The following TP63 variants were observed in gnomAD, a reference collection of about 807,000 sequenced individuals.
The protein encoded by TP63 is tumor protein p63.
In TP63, 17 loss-of-function variants were observed where a neutral mutation model predicts 82.8. That is an observed-to-expected ratio of 0.21 (90% CI 0.14 to 0.31). The LOEUF is 0.31. Ranked by LOEUF, TP63 falls within the 10% of genes least tolerant of loss-of-function variation. The pLI is 1.00. For missense variants in TP63, 648 were observed against 895.3 expected, an observed-to-expected ratio of 0.72 and a Z score of 3.52; for synonymous variants, 330 against 321.7, an observed-to-expected ratio of 1.03 and a Z score of -0.28.
chr3:189,616,925 A>C, the TP63 span, among the ~76,000 whole-genome samples: 1 of 152,174 alleles, frequency 6.6e-6, no homozygotes, highest in Non-Finnish European at 1.5e-5. Flanking sequence ...AGATACCTGA[A>C]ACCTTCCCTG....
At chr3:189,700,247 G>A (rs1717700431) in intron 1 of TP63, among the ~76,000 whole-genome samples, 1 of 152,050 alleles carries the variant, frequency 6.6e-6, no homozygotes, top group Non-Finnish European at 1.5e-5. Context: ...GTGATGAGAG[G>A]AAAAGCCAGC....
chr3:189,694,879 C>G (rs538476307), intron 1 of TP63, among the ~76,000 whole-genome samples: 2 of 127,954 alleles, frequency 1.6e-5, no homozygotes, highest in Non-Finnish European at 1.6e-5. Flanking sequence ...GATCTTGGCT[C>G]ACTGCAACCT....
At chr3:189,654,797 TCTC>T (rs1387570053) in intron 1 of TP63, among the ~76,000 whole-genome samples, 1 of 152,234 alleles carries the variant, frequency 6.6e-6, no homozygotes, top group Non-Finnish European at 1.5e-5. Flanking sequence ...CAACATAAAA[TCTC>T]CTGGCTCAAC....
At chr3:189,854,895 A>C (rs904396797) in intron 4 of TP63, among the ~76,000 whole-genome samples, 1 of 152,240 alleles carries the variant, frequency 6.6e-6, no homozygotes, top group African/African-American at 2.4e-5. Context: ...TTGGGAAGAC[A>C]TGGCAAACCT....
chr3:189,891,727 G>GGGA (rs1248137494), intron 13 of TP63, among the ~76,000 whole-genome samples: 1 of 152,112 alleles, frequency 6.6e-6, no homozygotes, highest in Non-Finnish European at 1.5e-5. Context: ...CTGCTCACAC[G>GGGA]GGAGCTAGTG....
intron 10 of TP63, among the ~76,000 whole-genome samples, chr3:189,885,525 C>T (rs892384581): frequency 2.0e-5 from 3 of 152,222 alleles, no homozygotes; most frequent in African/African-American, 7.2e-5. Context: ...AAGGCTTCAT[C>T]TCTGACTTTG....
chr3:189,776,161 T>C (rs575032478), intron 3 of TP63, among the ~76,000 whole-genome samples: 2 of 152,372 alleles, frequency 1.3e-5, no homozygotes, highest in East Asian at 3.9e-4. Flanking sequence ...GATTTCATAT[T>C]GTCTTTCTCT....
At chr3:189,874,455 A>G (rs1007384055) in intron 10 of TP63, among the ~76,000 whole-genome samples, 2 of 152,204 alleles carry the variant, frequency 1.3e-5, no homozygotes, top group Non-Finnish European at 2.9e-5. Flanking sequence ...AGAGTGGAGT[A>G]GACGGCAGGG....
At chr3:189,792,679 GT>G (rs1363563446) in intron 3 of TP63, among the ~76,000 whole-genome samples, 4 of 152,080 alleles carry the variant, frequency 2.6e-5, no homozygotes, top group Non-Finnish European at 5.9e-5. Flanking sequence ...AGAGCTATAT[GT>G]ATACGATCGT....
chr3:189,619,703 G>A, the TP63 span, among the ~76,000 whole-genome samples: 6,138 of 152,240 alleles, frequency 0.04, 152 homozygotes, highest in Middle Eastern at 0.061. Flanking sequence ...AACCATATCT[G>A]TAGGCACTGT....
At chr3:189,628,852 T>C (rs1729374749), upstream of TP63, among the ~76,000 whole-genome samples, 1 of 152,172 alleles carries the variant, frequency 6.6e-6, no homozygotes, top group African/African-American at 2.4e-5. Context: ...ACTGGTGTTC[T>C]GTTGAATTCT....
chr3:189,625,122 A>G, the TP63 span, among the ~76,000 whole-genome samples: 210 of 152,316 alleles, frequency 1.4e-3, 1 homozygote, highest in African/African-American at 5.0e-3. Flanking sequence ...ACATTTGTCT[A>G]TGTTACAATT....
At chr3:189,776,935 A>G (rs1484356411) in intron 3 of TP63, among the ~76,000 whole-genome samples, 1 of 152,208 alleles carries the variant, frequency 6.6e-6, no homozygotes, top group Admixed American at 6.5e-5. Flanking sequence ...AATTCACATG[A>G]AAGGCTTCCG....
the TP63 span, among the ~76,000 whole-genome samples, chr3:189,623,388 T>C: frequency 2.0e-5 from 3 of 152,208 alleles, no homozygotes; most frequent in South Asian, 4.1e-4. Context: ...AAACATATTC[T>C]TATTGCATCA....
At chr3:189,672,828 T>C (rs1249461955) in intron 1 of TP63, among the ~76,000 whole-genome samples, 1 of 152,004 alleles carries the variant, frequency 6.6e-6, no homozygotes, top group Admixed American at 6.6e-5. Flanking sequence ...ATTGGTTTTT[T>C]TAACATAATT....
intron 1 of TP63, among the ~76,000 whole-genome samples, chr3:189,731,156 C>A (rs1380391770): frequency 6.6e-6 from 1 of 152,060 alleles, no homozygotes; most frequent in Non-Finnish European, 1.5e-5. Context: ...CCAGCCTGGC[C>A]AACATGGTGA....
chr3:189,640,965 GC>G (rs1474311719), intron 1 of TP63, among the ~76,000 whole-genome samples: 1 of 152,048 alleles, frequency 6.6e-6, no homozygotes, highest in Admixed American at 6.6e-5. Flanking sequence ...CAAAACATAT[GC>G]CTTTTGGATT....
chr3:189,825,219 A>C (rs1050038793), intron 4 of TP63, among the ~76,000 whole-genome samples: 3 of 152,234 alleles, frequency 2.0e-5, no homozygotes, highest in African/African-American at 7.2e-5. Flanking sequence ...AAAATGATTT[A>C]TAAAGTTTTG....
chr3:189,789,684 T>C, intron 3 of TP63: 3 of 1,462,010 alleles, frequency 2.1e-6, no homozygotes, highest in East Asian at 2.8e-5. Flanking sequence ...AGAGAGGGAC[T>C]TGAGTTCTGT....
Sources: gnomAD v4.1 joint callset for allele counts (sites outside exome capture counted in the v4.1 genomes callset) on GRCh38, gnomAD v4.1.1 for gene constraint, MANE v1.5 for transcripts, NCBI Gene and HGNC (gene_info 2026-07-23, HGNC 2026-07-21) for gene names.